MIGA1: variants seen among roughly 807,000 people sequenced by gnomAD.
MIGA1 encodes mitoguardin 1.
Under a neutral mutation model 82.0 loss-of-function variants are expected in MIGA1, and 58 were observed. That is an observed-to-expected ratio of 0.71 (90% CI 0.57 to 0.88). The LOEUF (loss-of-function observed/expected upper bound fraction) is 0.88, where lower values mean the gene tolerates loss of function less well. Among genes scored for constraint, MIGA1 ranks in the 40% least tolerant of loss-of-function variants. The probability of loss-of-function intolerance (pLI) is 0.00; values close to 1 mark genes in which losing one functional copy is unlikely to be tolerated. For synonymous variants in MIGA1, 249 were observed against 253.6 expected, an observed-to-expected ratio of 0.98 and a Z score of 0.17; for missense variants, 751 against 749.1, an observed-to-expected ratio of 1.00 and a Z score of -0.03.
chr1:77,813,322 C>T (rs1267406050), intron 5 of MIGA1, among the ~76,000 whole-genome samples: 2 of 152,086 alleles, frequency 1.3e-5, no homozygotes, highest in Non-Finnish European at 1.5e-5. Context: ...CTTATAAACC[C>T]GGTAGCTTTT....
chr1:77,858,041 T>G (rs1685328643), intron 8 of MIGA1, among the ~76,000 whole-genome samples: 2 of 152,172 alleles, frequency 1.3e-5, no homozygotes, highest in African/African-American at 2.4e-5. Flanking sequence ...GTTGTTCTTT[T>G]TGGTGAACTA....
intron 15 of MIGA1, 27 bp downstream of exon 15, chr1:77,873,147 CTT>C: frequency 1.9e-6 from 3 of 1,584,958 alleles, no homozygotes; most frequent in Non-Finnish European, 1.7e-6. Flanking sequence ...AATCATTTCT[CTT>C]TTTTTTCTAA....
At chr1:77,855,413 T>A (rs1041510971) in intron 8 of MIGA1, among the ~76,000 whole-genome samples, 2 of 152,198 alleles carry the variant, frequency 1.3e-5, no homozygotes, top group African/African-American at 2.4e-5. Flanking sequence ...AATTGTTGTT[T>A]CTAATTCTGT....
chr1:77,873,193 T>A, intron 15 of MIGA1, 73 bp downstream of exon 15: 1 of 1,445,082 alleles, frequency 6.9e-7, no homozygotes, highest in Non-Finnish European at 9.5e-7. Flanking sequence ...TTCTGTTTTG[T>A]TTTGCTTTTG....
intron 14 of MIGA1, among the ~76,000 whole-genome samples, chr1:77,870,559 A>T (rs1260133860): frequency 2.3e-5 from 3 of 132,426 alleles, no homozygotes; most frequent in Non-Finnish European, 4.9e-5. Flanking sequence ...CGCTTCCTAG[A>T]TGGGATGGCG....
At chr1:77,792,103 G>A (rs562111920) in intron 2 of MIGA1, among the ~76,000 whole-genome samples, 5 of 152,296 alleles carry the variant, frequency 3.3e-5, no homozygotes, top group African/African-American at 1.2e-4. Flanking sequence ...TTATTGAAAT[G>A]CTAGCAGTTG....
rs1366540931 is a variant in MIGA1, at chr1:77,779,734, C to A, written c.79C>A (p.Gln27Lys). 1 of 1,570,986 alleles carries A rather than the reference C, an allele frequency of 6.4e-7. No individual in the cohort carries two copies. Among genetic ancestry groups the A allele is most frequent in the South Asian group, 1.2e-5 (1 of 85,612 alleles). Reference sequence around the variant, plus strand: ...GCCAGCTGTACCTGGCCTGGAGCTCCAGGTACAGGGCCAGGGGCGGGGTGG... The same window carrying A: ...GCCAGCTGTACCTGGCCTGGAGCTCAAGGTACAGGGCCAGGGGCGGGGTGG... Residue 27 changes from glutamine (Q) to lysine (K), a missense_variant and splice_region_variant, in exon 1 of 16, where the codon CAG (glutamine) becomes AAG (lysine). Coordinates refer to ENST00000370791, the MANE Select transcript of MIGA1 (RefSeq NM_198549.4).
chr1:77,787,627 G>T (rs1557893274), intron 2 of MIGA1, among the ~76,000 whole-genome samples: 1 of 151,956 alleles, frequency 6.6e-6, no homozygotes, highest in Non-Finnish European at 1.5e-5. Context: ...GACCTCAGGT[G>T]ATCTGCCCGC....
intron 5 of MIGA1, chr1:77,811,474 G>T (rs1683325477): frequency 2.6e-6 from 4 of 1,535,154 alleles, no homozygotes; most frequent in African/African-American, 2.7e-5. Context: ...TTTATTATAT[G>T]TAAGAATATT....
intron 7 of MIGA1, among the ~76,000 whole-genome samples, chr1:77,822,442 G>T (rs1432051871): frequency 1.3e-5 from 2 of 152,150 alleles, no homozygotes; most frequent in African/African-American, 2.4e-5. Context: ...AAAAAAGAGT[G>T]AGAGAGATCA....
At chr1:77,787,043 G>A (rs559518674) in intron 2 of MIGA1, among the ~76,000 whole-genome samples, 3 of 152,344 alleles carry the variant, frequency 2.0e-5, no homozygotes, top group African/African-American at 7.2e-5. Flanking sequence ...CATGGCGGAA[G>A]GTGAAAGGCA....
At chr1:77,789,476 C>G (rs536580532) in intron 2 of MIGA1, among the ~76,000 whole-genome samples, 1 of 152,236 alleles carries the variant, frequency 6.6e-6, no homozygotes, top group African/African-American at 2.4e-5. Context: ...TCCCAAAGTG[C>G]TAGGATAATG....
chr1:77,835,827 A>G (rs968352192), intron 7 of MIGA1, among the ~76,000 whole-genome samples: 2 of 152,126 alleles, frequency 1.3e-5, no homozygotes, highest in South Asian at 4.1e-4. Flanking sequence ...GCACACCTCT[A>G]ATTCCGGCTA....
intron 7 of MIGA1, among the ~76,000 whole-genome samples, chr1:77,831,590 A>G (rs1684246282): frequency 6.6e-6 from 1 of 152,212 alleles, no homozygotes; most frequent in African/African-American, 2.4e-5. Flanking sequence ...ATCTTCCACC[A>G]AAATGTGGGA....
chr1:77,788,726 C>A (rs1682284032), intron 2 of MIGA1, among the ~76,000 whole-genome samples: 1 of 152,096 alleles, frequency 6.6e-6, no homozygotes, highest in African/African-American at 2.4e-5. Context: ...GGTCTTGCAC[C>A]CCTGTGGAAA....
chr1:77,858,076 C>T (rs535478769), intron 8 of MIGA1, among the ~76,000 whole-genome samples: 7 of 152,184 alleles, frequency 4.6e-5, no homozygotes, highest in Admixed American at 3.3e-4. Context: ...GCTGGCCAGA[C>T]GCGGTGGCTG....
intron 3 of MIGA1, among the ~76,000 whole-genome samples, chr1:77,801,978 C>T (rs1374812175): frequency 6.6e-6 from 1 of 152,106 alleles, no homozygotes; most frequent in Admixed American, 6.5e-5. Context: ...ATCATTTCCC[C>T]ATTGTTCCCT....
In MIGA1 at chr1:77,874,848, T is replaced by G. The variant is rs1646881590; in HGVS notation, c.1683T>G (p.Asn561Lys). 6.2e-7 allele frequency: 1 copy of G among 1,611,364 alleles called. No individual in the cohort carries two copies. Among genetic ancestry groups the G allele is most frequent in the Admixed American group, 1.7e-5 (1 of 59,802 alleles). Residue 561 changes from asparagine (N) to lysine (K), a missense_variant and splice_region_variant, in exon 16 of 16, where the codon AAT becomes AAG. Physicochemically the swap from Asn to Lys is moderately conservative, Grantham distance 94 (BLOSUM62 0). Coordinates refer to ENST00000370791, the MANE Select transcript of MIGA1 (RefSeq NM_198549.4). Reference sequence around the variant, plus strand: ...GCCAATTTATGTTCATTTTCCAGAATCAAGTTCTTTTATTTCTCAAAGACA... The same window carrying G: ...GCCAATTTATGTTCATTTTCCAGAAGCAAGTTCTTTTATTTCTCAAAGACA...
At chr1:77,780,052 A>T in intron 1 of MIGA1, 1 of 1,124,092 alleles carries the variant, frequency 8.9e-7, no homozygotes, top group Non-Finnish European at 1.1e-6. Context: ...TGGGCTCGCC[A>T]CTGCTCTGAG....
Sources: gnomAD v4.1 joint callset for allele counts (sites outside exome capture counted in the v4.1 genomes callset) on GRCh38, gnomAD v4.1.1 for gene constraint, MANE v1.5 for transcripts, NCBI Gene and HGNC (gene_info 2026-07-23, HGNC 2026-07-21) for gene names.